Variants in KCNK10 observed in about 807,000 individuals in gnomAD.
KCNK10 encodes the protein potassium channel subfamily K member 10.
In KCNK10, 25 loss-of-function variants were observed where a neutral mutation model predicts 47.7. The ratio of observed to expected loss-of-function variants is 0.52; its 90% CI spans 0.38 to 0.73. KCNK10 has a LOEUF of 0.73. KCNK10 is among the 30% of genes least tolerant of loss of function. The pLI is 0.00. For synonymous variants in KCNK10, 303 were observed against 285.6 expected, an observed-to-expected ratio of 1.06 and a Z score of -0.61; for missense variants, 563 against 714.5, an observed-to-expected ratio of 0.79 and a Z score of 2.42.
intron 2 of KCNK10, among the ~76,000 whole-genome samples, chr14:88,245,903 CTGTT>C (rs1401868782): frequency 4.6e-5 from 7 of 152,152 alleles, no homozygotes; most frequent in Non-Finnish European, 8.8e-5. Context: ...TACTAACAGA[CTGTT>C]TGTCTCTCGA....
chr14:88,187,219 G>A (rs1406280174), intron 6 of KCNK10, among the ~76,000 whole-genome samples: 4 of 152,162 alleles, frequency 2.6e-5, no homozygotes, highest in Non-Finnish European at 5.9e-5. Context: ...CTTTTATACA[G>A]AATGAAGCAA....
chr14:88,220,181 G>A (rs1885752087), intron 4 of KCNK10, among the ~76,000 whole-genome samples: 1 of 152,004 alleles, frequency 6.6e-6, no homozygotes, highest in Non-Finnish European at 1.5e-5. Flanking sequence ...ACTTTGGGAG[G>A]CCGAGGCGGG....
chr14:88,263,228 G>T lies in KCNK10; in HGVS notation c.376C>A (p.Pro126Thr). Residue 126 changes from proline to threonine, a missense_variant, in exon 2 of 7, where the codon CCC becomes ACC. Physicochemically the swap from Pro to Thr is conservative, Grantham distance 38. Coordinates refer to ENST00000319231, the MANE Select transcript of KCNK10 (RefSeq NM_138317.3). ...TGGATCAACGTCTCCAGCTCCTGGG[G>T]GCTCACACAGACATGATCCCGCAGG... ...EFLRDHVCVS[P>T]QELETLIQHA... is the part of the protein sequence containing the mutation. 6.2e-7 allele frequency: 1 copy of T among 1,614,010 alleles called. No homozygotes were observed. Among genetic ancestry groups the T allele is most frequent in the Non-Finnish European group, 8.5e-7 (1 of 1,179,940 alleles).
At chr14:88,263,707 C>T (rs1332966667) in intron 1 of KCNK10, among the ~76,000 whole-genome samples, 156 bp from the exon 2 acceptor site, 1 of 152,100 alleles carries the variant, frequency 6.6e-6, no homozygotes, top group East Asian at 1.9e-4. Flanking sequence ...GGAATTTGAT[C>T]AGTTGCTAGG....
At chr14:88,202,399 G>A (rs1348639022) in intron 4 of KCNK10, among the ~76,000 whole-genome samples, 1 of 152,204 alleles carries the variant, frequency 6.6e-6, no homozygotes, top group Non-Finnish European at 1.5e-5. Flanking sequence ...TCCCAGTACA[G>A]AAGCTGCAAT....
intron 4 of KCNK10, among the ~76,000 whole-genome samples, chr14:88,195,525 A>G (rs1402758098): frequency 6.6e-6 from 1 of 152,176 alleles, no homozygotes; most frequent in African/African-American, 2.4e-5. Flanking sequence ...GTTTAGCTTC[A>G]GGAGGTCGCT....
At chr14:88,244,029 C>G (rs978082561) in intron 2 of KCNK10, among the ~76,000 whole-genome samples, 4 of 151,976 alleles carry the variant, frequency 2.6e-5, no homozygotes, top group Non-Finnish European at 5.9e-5. Context: ...TGAACTAACT[C>G]CTTGAGAGCA....
At chr14:88,298,774 C>A (rs1412325146) in intron 1 of KCNK10, among the ~76,000 whole-genome samples, 8 of 152,172 alleles carry the variant, frequency 5.3e-5, no homozygotes, top group Admixed American at 5.2e-4. Context: ...GGCTCCTGAT[C>A]ATCTGTGAAA....
chr14:88,312,916 C>A (rs1025265263), intron 1 of KCNK10, among the ~76,000 whole-genome samples: 4 of 152,054 alleles, frequency 2.6e-5, no homozygotes, highest in Non-Finnish European at 5.9e-5. Flanking sequence ...ATGTTTCAAG[C>A]CGTTGGTAAA....
At chr14:88,268,611 C>G (rs527828193) in intron 1 of KCNK10, among the ~76,000 whole-genome samples, 5 of 152,082 alleles carry the variant, frequency 3.3e-5, no homozygotes, top group Non-Finnish European at 7.4e-5. Context: ...AAAATAGGAA[C>G]GACATTTGTT....
At chr14:88,216,688 A>T (rs1566688727) in intron 4 of KCNK10, among the ~76,000 whole-genome samples, 1 of 152,218 alleles carries the variant, frequency 6.6e-6, no homozygotes, top group East Asian at 1.9e-4. Context: ...CCAAATGTAC[A>T]TTCTGGCCCT....
chr14:88,273,659 C>T (rs1271811610), intron 1 of KCNK10, among the ~76,000 whole-genome samples: 2 of 152,116 alleles, frequency 1.3e-5, no homozygotes, highest in Non-Finnish European at 1.5e-5. Flanking sequence ...CCTCGTGATT[C>T]TCCCAATAGA....
chr14:88,318,137 G>A (rs1440220243), intron 1 of KCNK10, among the ~76,000 whole-genome samples: 3 of 152,188 alleles, frequency 2.0e-5, no homozygotes, highest in Non-Finnish European at 4.4e-5. Context: ...GAATATCAGC[G>A]TCCTTTCTGA....
intron 4 of KCNK10, among the ~76,000 whole-genome samples, chr14:88,218,139 G>C (rs556909819): frequency 6.6e-6 from 1 of 152,172 alleles, no homozygotes; most frequent in Admixed American, 6.5e-5. Context: ...GATTACAGAC[G>C]TGGACCACTG....
rs1272096443 is a variant in KCNK10 at position 88,247,093 on chromosome 14, C to T, written c.403-6273G>A. On this transcript the variant is annotated intron_variant, in intron 2 of 6. Transcript: ENST00000319231. The stretch of plus-strand genomic sequence containing the variant: ...TGCGCAGCAAAGCTAGCAAACAATG[C>T]TCTTAGAATTGTCAACAGGAAGTTC... 2.0e-5 allele frequency among the ~76,000 whole-genome samples: 3 copies of T among 152,190 alleles called. No homozygotes were observed. In the East Asian group the frequency reaches 5.8e-4, roughly 29 times the overall value.
chr14:88,213,989 G>C (rs1342935417), intron 4 of KCNK10, among the ~76,000 whole-genome samples: 2 of 149,988 alleles, frequency 1.3e-5, no homozygotes, highest in Non-Finnish European at 3.0e-5. Context: ...GCCCAGGCTG[G>C]AGTGCAGTGG....
intron 4 of KCNK10, among the ~76,000 whole-genome samples, chr14:88,206,266 G>T (rs1306441034): frequency 2.0e-5 from 3 of 152,170 alleles, no homozygotes; most frequent in Admixed American, 6.5e-5. Context: ...GGTGTTTGCG[G>T]TTGTCACAAC....
intron 4 of KCNK10, among the ~76,000 whole-genome samples, chr14:88,222,190 A>G (rs1212351001): frequency 6.6e-6 from 1 of 152,188 alleles, no homozygotes; most frequent in Non-Finnish European, 1.5e-5. Context: ...AAATCTCGTG[A>G]GGCTTATTCA....
intron 1 of KCNK10, among the ~76,000 whole-genome samples, chr14:88,285,416 T>A (rs1336716296): frequency 2.0e-5 from 3 of 152,190 alleles, no homozygotes; most frequent in African/African-American, 7.2e-5. Flanking sequence ...CTGGCCTGAA[T>A]AAGTTTTATT....
Sources: allele counts gnomAD v4.1 joint callset (sites outside exome capture counted in the v4.1 genomes callset), GRCh38; gene constraint gnomAD v4.1.1; transcripts MANE v1.5; gene names NCBI Gene and HGNC (gene_info 2026-07-23, HGNC 2026-07-21).